The following MGAT4C variants were observed in gnomAD, a reference collection of about 807,000 sequenced individuals.
MGAT4C encodes alpha-1,3-mannosyl-glycoprotein 4-beta-N-acetylglucosaminyltransferase C.
In MGAT4C, 19 loss-of-function variants were observed where a neutral mutation model predicts 40.1. The ratio of observed to expected loss-of-function variants is 0.47; its 90% CI spans 0.33 to 0.70. The LOEUF is 0.70. Ranked by LOEUF, MGAT4C falls within the 30% of genes least tolerant of loss-of-function variation. The pLI, the probability that MGAT4C is intolerant of heterozygous loss-of-function variation, is 0.02. For synonymous variants in MGAT4C, 181 were observed against 187.1 expected, an observed-to-expected ratio of 0.97 and a Z score of 0.27; for missense variants, 491 against 563.2, an observed-to-expected ratio of 0.87 and a Z score of 1.30.
intron 2 of MGAT4C, among the ~76,000 whole-genome samples, chr12:86,049,010 T>C (rs1892656977): frequency 1.3e-5 from 2 of 152,078 alleles, no homozygotes; most frequent in South Asian, 4.1e-4. Context: ...CAAAGAAAAC[T>C]TGACAATTCT....
chr12:86,813,530 T>C (rs1952518818), intron 1 of MGAT4C, among the ~76,000 whole-genome samples: 2 of 152,090 alleles, frequency 1.3e-5, no homozygotes, highest in African/African-American at 4.8e-5. Context: ...ATGCAATGTA[T>C]ATGTGTTTCT....
chr12:86,619,089 A>T (rs945896383), intron 2 of MGAT4C, among the ~76,000 whole-genome samples: 3 of 152,096 alleles, frequency 2.0e-5, no homozygotes, highest in Non-Finnish European at 4.4e-5. Flanking sequence ...CTTAATGTAC[A>T]TGAGAGGATA....
intron 1 of MGAT4C, among the ~76,000 whole-genome samples, chr12:86,247,878 T>C (rs1381321084): frequency 1.3e-5 from 2 of 152,142 alleles, no homozygotes; most frequent in African/African-American, 4.8e-5. Flanking sequence ...GGAAGGAAGA[T>C]TATGGGGAAG....
At chr12:85,986,082 G>T (rs1885162574) in intron 3 of MGAT4C, among the ~76,000 whole-genome samples, 1 of 152,094 alleles carries the variant, frequency 6.6e-6, no homozygotes, top group Non-Finnish European at 1.5e-5. Flanking sequence ...AAAAAGAAAT[G>T]GAACTTACAT....
chr12:85,983,758 C>A, intron 3 of MGAT4C, 88 bp from the exon 4 acceptor site: 1 of 1,081,618 alleles, frequency 9.2e-7, no homozygotes, highest in East Asian at 2.6e-5. Flanking sequence ...AATAAATGTA[C>A]GACTACAATA....
At chr12:86,581,561 AAGTG>A in intron 2 of MGAT4C, among the ~76,000 whole-genome samples, 1 of 151,578 alleles carries the variant, frequency 6.6e-6, no homozygotes, top group East Asian at 1.9e-4. Context: ...ATCTTTTCAT[AAGTG>A]AGTGAGTAGT....
intron 3 of MGAT4C, among the ~76,000 whole-genome samples, chr12:86,389,242 G>A (rs560650234): frequency 9.2e-5 from 14 of 151,946 alleles, no homozygotes; most frequent in Admixed American, 2.0e-4. Flanking sequence ...TTTCCTCTAC[G>A]TGTCCATGTG....
At chr12:86,048,242 A>G (rs940719273) in intron 2 of MGAT4C, among the ~76,000 whole-genome samples, 6 of 152,090 alleles carry the variant, frequency 3.9e-5, no homozygotes, top group Non-Finnish European at 4.4e-5. Context: ...TTTCAGTTAT[A>G]AGTGGGGGCT....
intron 2 of MGAT4C, among the ~76,000 whole-genome samples, chr12:86,473,237 A>C (rs1957781542): frequency 6.6e-6 from 1 of 152,158 alleles, no homozygotes; most frequent in Non-Finnish European, 1.5e-5. Context: ...GCTTACAGGC[A>C]TGAGCCACTG....
intron 2 of MGAT4C, among the ~76,000 whole-genome samples, chr12:86,576,219 T>G (rs1960553801): frequency 6.6e-6 from 1 of 151,992 alleles, no homozygotes; most frequent in Admixed American, 6.6e-5. Flanking sequence ...TTCTTATATA[T>G]TATCATTATT....
At chr12:86,825,294 G>C (rs921457560) in intron 1 of MGAT4C, among the ~76,000 whole-genome samples, 1 of 104,218 alleles carries the variant, frequency 9.6e-6, no homozygotes, top group Non-Finnish European at 2.1e-5. Flanking sequence ...ATAAATGTGA[G>C]TAAGATAATT....
intron 1 of MGAT4C, among the ~76,000 whole-genome samples, chr12:86,120,597 G>T (rs913383270): frequency 1.7e-4 from 26 of 152,176 alleles, no homozygotes; most frequent in African/African-American, 6.3e-4. Context: ...TTGCTGTTCT[G>T]CAGCCTCTGC....
chr12:86,788,000 A>C (rs1951960804), intron 1 of MGAT4C, among the ~76,000 whole-genome samples: 1 of 152,062 alleles, frequency 6.6e-6, no homozygotes, highest in African/African-American at 2.4e-5. Flanking sequence ...GGTCATGGAT[A>C]GATAACAGAA....
Position 86,720,294 on chromosome 12 carries a change from G to T in MGAT4C, c.-229+6915C>A, listed in dbSNP as rs1333660428. Reference sequence around the variant, plus strand: ...GTTCCAAGAGAGACCTACAGAAGCTGCATGACCTTTTATAATCTAGCCTCA... The same window carrying T: ...GTTCCAAGAGAGACCTACAGAAGCTTCATGACCTTTTATAATCTAGCCTCA... On this transcript the variant is annotated intron_variant, in intron 2 of 7. Transcript: ENST00000548651. 9.3e-5 allele frequency among the ~76,000 whole-genome samples: 5 copies of T among 53,846 alleles called. No homozygotes were observed. The East Asian group carries it at 1.8e-3, about 19-fold the overall frequency. The allele number at this position is 53,846 out of a possible 152,430, so 35.3% of individuals were successfully genotyped here. A position where few individuals can be genotyped will look rare whatever the true frequency, so the allele number is the denominator to read the frequency against.
At chr12:86,603,403 A>G (rs1961865562) in intron 2 of MGAT4C, among the ~76,000 whole-genome samples, 1 of 126,672 alleles carries the variant, frequency 7.9e-6, no homozygotes, top group Admixed American at 8.8e-5. Context: ...AATATATATT[A>G]TATATTAGTA....
chr12:86,548,841 ATGCTATAATCAATG>A (rs1308873932), intron 2 of MGAT4C, among the ~76,000 whole-genome samples: 1 of 152,230 alleles, frequency 6.6e-6, no homozygotes, highest in Non-Finnish European at 1.5e-5. Flanking sequence ...TGTGTATAGA[ATGCTATAATCAATG>A]TGTTTTATTT....
chr12:86,146,344 A>G (rs1181410850), intron 1 of MGAT4C, among the ~76,000 whole-genome samples: 3 of 152,128 alleles, frequency 2.0e-5, no homozygotes, highest in South Asian at 2.1e-4. Flanking sequence ...ACTTCAACAC[A>G]TATTTGTTTA....
At chr12:86,554,774 G>T (rs1959529485) in intron 2 of MGAT4C, among the ~76,000 whole-genome samples, 1 of 152,090 alleles carries the variant, frequency 6.6e-6, no homozygotes, top group Non-Finnish European at 1.5e-5. Flanking sequence ...CAAATTGCCA[G>T]AAACTCTGGT....
At chr12:86,462,473 T>C (rs947497374) in intron 2 of MGAT4C, among the ~76,000 whole-genome samples, 7 of 152,200 alleles carry the variant, frequency 4.6e-5, no homozygotes, top group Non-Finnish European at 8.8e-5. Flanking sequence ...CACCTTTGTA[T>C]TAGTCATGGT....
Sources: gnomAD v4.1 joint callset for allele counts (sites outside exome capture counted in the v4.1 genomes callset) on GRCh38, gnomAD v4.1.1 for gene constraint, MANE v1.5 for transcripts, NCBI Gene and HGNC (gene_info 2026-07-23, HGNC 2026-07-21) for gene names.